GRM1: variants seen among roughly 807,000 people sequenced by gnomAD.
GRM1 encodes metabotropic glutamate receptor 1.
A neutral mutation model predicts 90.9 loss-of-function variants in GRM1; 33 were observed. That is an observed-to-expected ratio of 0.36 (90% confidence interval 0.28 to 0.49). The LOEUF is 0.49. GRM1 is among the 20% of genes least tolerant of loss of function. The pLI is 0.99. For synonymous variants in GRM1, 700 were observed against 613.2 expected (o/e 1.14, Z -2.09); for missense variants, 1,190 against 1,534.3 (o/e 0.78, Z 3.75).
intron 1 of GRM1, among the ~76,000 whole-genome samples, chr6:146,067,331 G>A (rs964710454): frequency 3.3e-5 from 5 of 152,090 alleles, no homozygotes; most frequent in Non-Finnish European, 7.4e-5. Context: ...TGTGAAGGTA[G>A]GCAGTGTATA....
chr6:146,083,186 A>G (rs1776422967), intron 1 of GRM1, among the ~76,000 whole-genome samples: 1 of 152,104 alleles, frequency 6.6e-6, no homozygotes, highest in African/African-American at 2.4e-5. Context: ...CTGCAGAGAC[A>G]ATTTGACTTC....
At chr6:146,236,005 G>A (rs1780634794) in intron 2 of GRM1, among the ~76,000 whole-genome samples, 2 of 152,084 alleles carry the variant, frequency 1.3e-5, no homozygotes. Flanking sequence ...GAAATGCAGA[G>A]AAGTAGCATT....
intron 1 of GRM1, among the ~76,000 whole-genome samples, chr6:146,068,879 A>G (rs535554344): frequency 6.6e-6 from 1 of 152,232 alleles, no homozygotes; most frequent in Non-Finnish European, 1.5e-5. Flanking sequence ...CAATCCTTGA[A>G]CATCAATTGA....
chr6:146,247,003 A>G (rs554659602), intron 2 of GRM1, among the ~76,000 whole-genome samples: 1 of 152,346 alleles, frequency 6.6e-6, no homozygotes, highest in Admixed American at 6.5e-5. Context: ...GGCCACATTC[A>G]GGAATCAGGA....
chr6:146,359,265 T>C (rs1329360236), intron 5 of GRM1, among the ~76,000 whole-genome samples: 1 of 152,204 alleles, frequency 6.6e-6, no homozygotes, highest in Non-Finnish European at 1.5e-5. Flanking sequence ...CCTTGCCTGT[T>C]ATCATGAGAT....
chr6:146,150,938 G>GCGCGCACACA (rs1554273698), intron 1 of GRM1, among the ~76,000 whole-genome samples: 1 of 150,708 alleles, frequency 6.6e-6, no homozygotes, highest in African/African-American at 2.4e-5. Flanking sequence ...GCGTGTGCGC[G>GCGCGCACACA]CACACACACA....
At chr6:146,076,662 T>C (rs6914813) in intron 1 of GRM1, among the ~76,000 whole-genome samples, 56,128 of 151,984 alleles carry the variant, frequency 0.37, 11,067 homozygotes, top group Middle Eastern at 0.51. Context: ...GAAGCCCCAT[T>C]TAGGTCATGT....
intron 7 of GRM1, among the ~76,000 whole-genome samples, chr6:146,411,022 C>T (rs141585783): frequency 2.6e-3 from 398 of 152,266 alleles, no homozygotes; most frequent in Non-Finnish European, 3.9e-3. Context: ...CTTTCAAGCA[C>T]CTAATTGTGT....
intron 2 of GRM1, among the ~76,000 whole-genome samples, chr6:146,191,155 C>T (rs1025582664): frequency 2.0e-5 from 3 of 152,194 alleles, no homozygotes; most frequent in South Asian, 2.1e-4. Flanking sequence ...TCATCTTCTC[C>T]ACAGCCTCTT....
intron 1 of GRM1, among the ~76,000 whole-genome samples, chr6:146,089,969 G>T (rs943676989): frequency 2.6e-5 from 4 of 151,730 alleles, no homozygotes; most frequent in Non-Finnish European, 5.9e-5. Flanking sequence ...TATTTTTTAT[G>T]TCTTTTTTTA....
intron 1 of GRM1, among the ~76,000 whole-genome samples, chr6:146,123,163 T>C (rs951544663): frequency 1.3e-5 from 2 of 152,120 alleles, no homozygotes; most frequent in African/African-American, 2.4e-5. Flanking sequence ...TTTATTAACC[T>C]TGTTTCCTCA....
intron 6 of GRM1, among the ~76,000 whole-genome samples, chr6:146,398,315 T>TCTATGAGCTGGACTTGC (rs1332447618): frequency 1.3e-5 from 2 of 152,214 alleles, no homozygotes; most frequent in Non-Finnish European, 1.5e-5. Context: ...AAACGACTTG[T>TCTATGAGCTGGACTTGC]CTATGAGCTG....
At chr6:146,253,243 G>A (rs1368582755) in intron 2 of GRM1, among the ~76,000 whole-genome samples, 1 of 152,186 alleles carries the variant, frequency 6.6e-6, no homozygotes, top group Non-Finnish European at 1.5e-5. Context: ...GATTTGTTTA[G>A]AGATTTAAGT....
chr6:146,056,784 A>G (rs1029630663), intron 1 of GRM1, among the ~76,000 whole-genome samples: 1 of 152,132 alleles, frequency 6.6e-6, no homozygotes, highest in Non-Finnish European at 1.5e-5. Flanking sequence ...AAATCTGCCT[A>G]CTATTGGCTT....
At chr6:146,137,267 G>A (rs576520244) in intron 1 of GRM1, among the ~76,000 whole-genome samples, 24 of 152,154 alleles carry the variant, frequency 1.6e-4, no homozygotes, top group South Asian at 8.3e-4. Context: ...GAGTTTCCTC[G>A]ATGTTTTATT....
chr6:146,334,773 T>C (rs902416643), intron 3 of GRM1, among the ~76,000 whole-genome samples: 2 of 152,150 alleles, frequency 1.3e-5, no homozygotes, highest in Non-Finnish European at 2.9e-5. Context: ...TGATGGATCA[T>C]CATTTGCATC....
At chr6:146,136,764 T>C (rs1437289623) in intron 1 of GRM1, among the ~76,000 whole-genome samples, 3 of 151,916 alleles carry the variant, frequency 2.0e-5, no homozygotes, top group Non-Finnish European at 4.4e-5. Flanking sequence ...AAAGCATTAG[T>C]ACTATTTATA....
intron 2 of GRM1, among the ~76,000 whole-genome samples, chr6:146,268,447 A>G (rs746058788): frequency 6.6e-6 from 1 of 152,172 alleles, no homozygotes; most frequent in South Asian, 2.1e-4. Context: ...TTGTATCATT[A>G]TCCATTTACT....
intron 1 of GRM1, among the ~76,000 whole-genome samples, chr6:146,086,743 C>A (rs77319827): frequency 1.6e-4 from 24 of 152,072 alleles, no homozygotes; most frequent in Non-Finnish European, 2.6e-4. Context: ...GTAGGCAGTG[C>A]AGATATGCAG....
Sources: gnomAD v4.1 joint callset for allele counts (sites outside exome capture counted in the v4.1 genomes callset) on GRCh38, gnomAD v4.1.1 for gene constraint, MANE v1.5 for transcripts, NCBI Gene and HGNC (gene_info 2026-07-23, HGNC 2026-07-21) for gene names.